The following AP4B1 variants were observed in gnomAD, a reference collection of about 807,000 sequenced individuals.
AP4B1 encodes AP-4 complex subunit beta-1.
A neutral mutation model predicts 76.5 loss-of-function variants in AP4B1; 49 were observed. The ratio of observed to expected loss-of-function variants is 0.64; its 90% CI spans 0.51 to 0.81. The LOEUF (loss-of-function observed/expected upper bound fraction) is 0.81. AP4B1 is among the 40% of genes least tolerant of loss of function. The pLI, the probability that AP4B1 is intolerant of heterozygous loss-of-function variation, is 0.00. For missense variants in AP4B1, 911 were observed against 904.9 expected (o/e 1.01, Z -0.09); for synonymous variants, 330 against 333.3 (o/e 0.99, Z 0.11).
chr1:113,895,851 C>G lies in AP4B1; in HGVS notation c.1698G>C (p.Val566=). Reference sequence around the variant, plus strand: ...TAGTTGCCCAGTGGGCTTTGCCATACACTGGCACCAGTGTGTTGAAGTCTG... The same window carrying G: ...TAGTTGCCCAGTGGGCTTTGCCATAGACTGGCACCAGTGTGTTGAAGTCTG... ...WASDFNTLVP[V]YGKAHWATIS... is the part of the protein sequence containing the mutation. The change falls in exon 9 of 10, where the codon GTG becomes GTC. Residue 566 remains valine, a synonymous_variant. Transcript: ENST00000369569. The G allele has an allele frequency of 6.2e-7, 1 of 1,614,242 alleles. No homozygotes were observed. The highest frequency in any genetic ancestry group is 8.5e-7 in the Non-Finnish European group (1 of 1,180,040).
At chr1:113,897,986 C>G (rs761802732) in intron 6 of AP4B1, 43 bp from the exon 7 acceptor site, 4 of 1,613,478 alleles carry the variant, frequency 2.5e-6, no homozygotes, top group Non-Finnish European at 3.4e-6. Context: ...ATTAGAGCCT[C>G]CAGGTAGGCA....
chr1:113,902,474 AC>A (rs1668400317), intron 2 of AP4B1, among the ~76,000 whole-genome samples, 163 bp downstream of exon 2: 1 of 152,246 alleles, frequency 6.6e-6, no homozygotes, highest in Non-Finnish European at 1.5e-5. Flanking sequence ...ATTATATGAT[AC>A]AGGTTATTAA....
At chr1:113,904,541 G>T in intron 1 of AP4B1, 64 bp downstream of exon 1, 1 of 1,455,344 alleles carries the variant, frequency 6.9e-7, no homozygotes, top group Non-Finnish European at 9.7e-7. Flanking sequence ...AGAGACTGGG[G>T]CTAGTGAGCC....
At position 113,894,791 on chromosome 1, in the gene AP4B1, A is replaced by G. The variant is rs932171084; in HGVS notation, c.*274T>C. ...CTTTAATTACTAACACAATTCCTAA[A>G]ATTGATTAGGAAATAATCCAAATCC... On this transcript the variant is annotated 3_prime_UTR_variant, in exon 10 of 10. Transcript: ENST00000369569. 1.0e-5 allele frequency: 4 copies of G among 401,322 alleles called. No homozygotes were observed. Among genetic ancestry groups the G allele is most frequent in the Non-Finnish European group, 1.8e-5 (4 of 218,176 alleles). 24.9% of individuals were successfully genotyped at this position (401,322 alleles called of 1,614,324 possible). A position where few individuals can be genotyped will look rare whatever the true frequency, so the allele number is the denominator to read the frequency against.
Position 113,897,838 on chromosome 1 carries a change from A to T in AP4B1, c.1302+2T>A. ...TAGAAGTAAAGGAGAATTACAGTCT[A>T]CCTCACTATCTTGAATGTTCTCTTC... On this transcript the variant is annotated splice_donor_variant, in intron 7 of 9. Coordinates refer to ENST00000369569, the MANE Select transcript of AP4B1 (RefSeq NM_001253852.3). LOFTEE classifies it high-confidence loss of function. 1.2e-6 allele frequency: 2 copies of T among 1,613,976 alleles called. No homozygotes were observed. The highest frequency in any genetic ancestry group is 1.7e-6 in the Non-Finnish European group (2 of 1,179,878).
Position 113,901,220 on chromosome 1 carries a change from G to A in AP4B1, c.617+16C>T, listed in dbSNP as rs1046613270. The A allele has an allele frequency of 3.1e-6, 5 of 1,613,856 alleles. No individual in the cohort carries two copies. In the Admixed American group the frequency reaches 5.0e-5, roughly 16 times the overall value. ...TAGCAGATCTCATAATAAAAAGAGT[G>A]CTGAGGCATCCAAACCGATTTAAGA... On this transcript the variant is annotated intron_variant, in intron 4 of 9. Coordinates refer to ENST00000369569, the MANE Select transcript of AP4B1 (RefSeq NM_001253852.3).
chr1:113,902,123 T>C, intron 2 of AP4B1: 1 of 519,096 alleles, frequency 1.9e-6, no homozygotes, highest in South Asian at 2.0e-5. Flanking sequence ...CACTGCTGCC[T>C]TGAATTCCCG....
At chr1:113,900,797 G>A (rs7523862) in intron 4 of AP4B1, 86,540 of 268,278 alleles carry the variant, frequency 0.32, 16,524 homozygotes, top group East Asian at 0.76. Context: ...TCTCTCAGTG[G>A]AATGTGAGGG....
At chr1:113,899,732 A>G in intron 5 of AP4B1, 172 bp downstream of exon 5, 1 of 1,072,350 alleles carries the variant, frequency 9.3e-7, no homozygotes, top group Admixed American at 2.3e-5. Flanking sequence ...AAAACAAAAA[A>G]CAAAAAAAAA....
chr1:113,898,030 T>C, intron 6 of AP4B1, 87 bp from the exon 7 acceptor site: 1 of 1,594,762 alleles, frequency 6.3e-7, no homozygotes, highest in Non-Finnish European at 8.5e-7. Context: ...TTCAGACTCA[T>C]GATTCTGGCT....
Position 113,899,988 on chromosome 1 carries a change from T to A in AP4B1, c.1030A>T (p.Asn344Tyr). The change falls in exon 5 of 10, where the codon AAT becomes TAT. Residue 344 changes from asparagine (N) to tyrosine (Y), a missense_variant. By Grantham distance (143) the Asn-to-Tyr change is moderately radical (BLOSUM62 -2). Coordinates refer to ENST00000369569, the MANE Select transcript of AP4B1 (RefSeq NM_001253852.3). ...EVLCELVNDE[N>Y]VQQVLEELRG... ...AGCTCCTCTAGCACCTGCTGCACAT[T>A]CTCATCGTTCACCAGTTCACACAGC... 1 of 1,614,194 alleles carries A rather than the reference T, an allele frequency of 6.2e-7. No homozygotes were observed. The highest frequency in any genetic ancestry group is 2.2e-5 in the East Asian group (1 of 44,894).
intron 6 of AP4B1, 130 bp from the exon 7 acceptor site, chr1:113,898,073 T>C: frequency 6.7e-7 from 1 of 1,490,328 alleles, no homozygotes. Context: ...GGAGGTGTGG[T>C]CAATGGTTAT....
Position 113,902,781 on chromosome 1 carries a change from C to T in AP4B1, c.195G>A (p.Lys65=). 6.2e-7 allele frequency: 1 copy of T among 1,614,244 alleles called. No homozygotes were observed. The change falls in exon 2 of 10, where the codon AAG becomes AAA. Residue 65 remains lysine, a synonymous_variant. Transcript: ENST00000369569. ...TGCACATGTACAGATAAACCAACTT[C>T]TTCTGGACAATATCTACAGTGGCAC... The part of the protein sequence containing the change: ...KASATVDIVQ[K]KLVYLYMCTY...
At chr1:113,899,706 C>T in intron 5 of AP4B1, 198 bp downstream of exon 5, 1 of 772,476 alleles carries the variant, frequency 1.3e-6, no homozygotes, top group Non-Finnish European at 2.1e-6. Flanking sequence ...ACAGCAACAC[C>T]AATCTTGACC....
intron 6 of AP4B1, 127 bp from the exon 7 acceptor site, chr1:113,898,070 T>C (rs1667714939): frequency 6.6e-7 from 1 of 1,510,640 alleles, no homozygotes; most frequent in African/African-American, 1.4e-5. Flanking sequence ...TTTGGAGGTG[T>C]GGTCAATGGT....
intron 5 of AP4B1, 58 bp downstream of exon 5, chr1:113,899,846 C>G (rs1308091974): frequency 6.2e-7 from 1 of 1,613,766 alleles, no homozygotes. Context: ...TTCCTCTAAC[C>G]ACAGTTTTCT....
In AP4B1 at chr1:113,900,420, A is replaced by G. The variant is rs778276465; in HGVS notation, c.618-20T>C. On this transcript the variant is annotated intron_variant, in intron 4 of 9. Transcript: ENST00000369569. ...GACATTCTATCCAAAAAACAAAACA[A>G]AAGAGCTATTTTAGCAACAAAATTA... The G allele has an allele frequency of 6.2e-7, 1 of 1,613,198 alleles. No individual in the cohort carries two copies. The highest frequency in any genetic ancestry group is 1.7e-5 in the Admixed American group (1 of 59,682).
chr1:113,901,000 G>A (rs1043157378), intron 4 of AP4B1: 4 of 510,848 alleles, frequency 7.8e-6, no homozygotes, highest in East Asian at 7.8e-5. Flanking sequence ...CCAGCTACTC[G>A]GGAGGCTGAG....
Position 113,902,609 on chromosome 1 carries a change from TAGGACCAGACAG to T in AP4B1, c.338+17_338+28del, listed in dbSNP as rs2101043034. On this transcript the variant is annotated intron_variant, in intron 2 of 9. Coordinates refer to ENST00000369569, the MANE Select transcript of AP4B1 (RefSeq NM_001253852.3). The stretch of plus-strand genomic sequence containing the variant: ...TGATCACTTGAATTCATCAGCCATT[TAGGACCAGACAG>T]AGAAGAGGGTACTCACCTGAGGCTA... 6.2e-7 allele frequency: 1 copy of T among 1,604,146 alleles called. No individual in the cohort carries two copies. Among genetic ancestry groups the T allele is most frequent in the East Asian group, 2.2e-5 (1 of 44,848 alleles).
Sources: allele counts gnomAD v4.1 joint callset (sites outside exome capture counted in the v4.1 genomes callset), GRCh38; gene constraint gnomAD v4.1.1; transcripts MANE v1.5; gene names NCBI Gene and HGNC (gene_info 2026-07-23, HGNC 2026-07-21).